SCML2: variants seen among roughly 807,000 people sequenced by gnomAD.
SCML2 encodes sex comb on midleg-like protein 2.
SCML2 carries 6 observed loss-of-function variants against 48.4 expected under a neutral mutation model. The observed-to-expected ratio is 0.12, with a 90% CI of 0.07 to 0.24. The LOEUF is 0.24. SCML2 is among the 10% of genes least tolerant of loss of function. The probability of loss-of-function intolerance (pLI) is 1.00; values close to 1 mark genes in which losing one functional copy is unlikely to be tolerated. For missense variants in SCML2, 377 were observed against 528.2 expected, an observed-to-expected ratio of 0.71 and a Z score of 2.81; for synonymous variants, 181 against 189.5, an observed-to-expected ratio of 0.95 and a Z score of 0.37.
intron 5 of SCML2, 112 bp downstream of exon 5, chrX:18,323,747 C>T (rs1929392546): frequency 7.4e-6 from 4 of 538,959 alleles, no homozygotes; most frequent in South Asian, 2.9e-5. Flanking sequence ...AACCACCTGA[C>T]CATCTATTTG....
rs1927230081 is a variant in SCML2 at position 18,265,603 on chromosome X, AC to A, written c.929del (p.Gly310ValfsTer13). 1 of 1,207,988 alleles carries A rather than the reference AC, an allele frequency of 8.3e-7. No individual in the cohort carries two copies. The highest frequency in any genetic ancestry group is 2.2e-5 in the Admixed American group (1 of 45,595). ...SVKNITPRKK[G>X]PNSGKKEKPL... ...AACTAACCTTTTTTCCTGAGTTTGG[AC>A]CTTTTTTCCTTGGTGTGATATTTTT... On this transcript the variant is annotated frameshift_variant, in exon 8 of 15. Transcript: ENST00000251900. LOFTEE classifies it high-confidence loss of function.
At chrX:18,313,675 C>T (rs182228061) in intron 6 of SCML2, among the ~76,000 whole-genome samples, 1 of 111,682 alleles carries the variant, frequency 9.0e-6, no homozygotes, top group Non-Finnish European at 1.9e-5. Flanking sequence ...CATTCCCTCT[C>T]CCATCCCGTA....
At chrX:18,306,428 T>C (rs1043809458) in intron 6 of SCML2, among the ~76,000 whole-genome samples, 2 of 111,733 alleles carry the variant, frequency 1.8e-5, no homozygotes, top group Non-Finnish European at 3.8e-5. Context: ...CCTAGCTTCC[T>C]TGAATGCTTC....
intron 6 of SCML2, among the ~76,000 whole-genome samples, chrX:18,317,833 CAAAAAAA>C (rs35128193): frequency 5.2e-5 from 2 of 38,523 alleles, no homozygotes; most frequent in Non-Finnish European, 9.7e-5. Context: ...GACTCCGTCT[CAAAAAAA>C]AAAAAAAAAA....
intron 3 of SCML2, 104 bp from the exon 4 acceptor site, chrX:18,325,081 T>TAA (rs1231310526): frequency 1.0e-4 from 36 of 343,136 alleles, no homozygotes; most frequent in East Asian, 5.0e-5. Flanking sequence ...CCATGCCTCT[T>TAA]AAAAGAAAAA....
intron 11 of SCML2, among the ~76,000 whole-genome samples, chrX:18,248,367 C>A (rs1383867120): frequency 2.7e-5 from 3 of 112,284 alleles, no homozygotes; most frequent in African/African-American, 9.7e-5. Context: ...ACCTAAAGGA[C>A]CACTCCGTAA....
rs1177186917 is a variant in SCML2 at position 18,256,897 on chromosome X, A to G, written c.1407T>C (p.Ser469=). Residue 469 remains serine (S), a synonymous_variant, in exon 11 of 15, where the codon TCT becomes TCC. Transcript: ENST00000251900. ...DNLLSSQPFS[S]SRGHTHSSAE... is the part of the protein sequence containing the mutation. ...CAGAGCTGTGAGTATGACCCCTGGA[A>G]GAACTAAAAGGCTGGCTACTCAAAA... is the stretch of plus-strand genomic sequence containing the variant. 2.5e-6 allele frequency: 3 copies of G among 1,207,053 alleles called. No individual in the cohort carries two copies. The highest frequency in any genetic ancestry group is 4.4e-5 in the Admixed American group (2 of 45,245).
At chrX:18,345,369 T>C (rs781495319) in intron 1 of SCML2, among the ~76,000 whole-genome samples, 5 of 111,430 alleles carry the variant, frequency 4.5e-5, no homozygotes, top group Non-Finnish European at 9.4e-5. Context: ...CTAAACTATA[T>C]AGAACCAGAA....
intron 11 of SCML2, among the ~76,000 whole-genome samples, chrX:18,250,174 A>T (rs1926597385): frequency 9.0e-6 from 1 of 111,424 alleles, no homozygotes; most frequent in South Asian, 3.8e-4. Context: ...ATCAGTAAAC[A>T]GAAACTGTCC....
intron 6 of SCML2, among the ~76,000 whole-genome samples, chrX:18,310,991 G>GT (rs1308769932): frequency 9.0e-6 from 1 of 111,532 alleles, no homozygotes; most frequent in East Asian, 2.8e-4. Context: ...TTCTAAACAT[G>GT]TGAGAGTATA....
chrX:18,330,586 C>T lies in SCML2; in HGVS notation c.91+1G>A. On this transcript the variant is annotated splice_donor_variant, in intron 3 of 14. Coordinates refer to ENST00000251900, the MANE Select transcript of SCML2 (RefSeq NM_006089.3). LOFTEE classifies it high-confidence loss of function. ...CTGTATTAAATTACTTTAAAACCTA[C>T]CCCTTTGTACAGAAGATGTACTTGA... 1.8e-6 allele frequency: 2 copies of T among 1,118,057 alleles called. No homozygotes were observed. Among genetic ancestry groups the T allele is most frequent in the Non-Finnish European group, 2.4e-6 (2 of 825,506 alleles). The allele number at this position is 1,118,057 out of a possible 1,213,427, so 92.1% of individuals were successfully genotyped here.
chrX:18,344,469 G>A (rs1930136538), intron 1 of SCML2, among the ~76,000 whole-genome samples: 1 of 111,921 alleles, frequency 8.9e-6, no homozygotes, highest in Admixed American at 9.5e-5. Flanking sequence ...GAGTGATATG[G>A]TTTGGTGTCC....
At chrX:18,323,715 C>T (rs1482172831) in intron 5 of SCML2, 144 bp downstream of exon 5, 7 of 476,655 alleles carry the variant, frequency 1.5e-5, no homozygotes, top group East Asian at 3.6e-5. Context: ...GATTTCCTCT[C>T]TCATCATACA....
chrX:18,320,425 T>G lies in SCML2; in HGVS notation c.398-5A>C, dbSNP rs1222105696. 1 of 1,082,276 alleles carries G rather than the reference T, an allele frequency of 9.2e-7. No homozygotes were observed. Among genetic ancestry groups the G allele is most frequent in the East Asian group, 3.1e-5 (1 of 32,426 alleles). 89.2% of individuals were successfully genotyped at this position (1,082,276 alleles called of 1,213,427 possible). A position where few individuals can be genotyped will look rare whatever the true frequency, so the allele number is the denominator to read the frequency against. On this transcript the variant is annotated splice_polypyrimidine_tract_variant and splice_region_variant and intron_variant, in intron 5 of 14. Coordinates refer to ENST00000251900, the MANE Select transcript of SCML2 (RefSeq NM_006089.3). ...AGGATGTATTCATCTGGTACCCTGT[T>G]TTATAAAATAAATTAGGTATCATGA...
At chrX:18,304,893 C>G (rs201433397) in intron 7 of SCML2, 79 bp downstream of exon 7, 1 of 1,100,073 alleles carries the variant, frequency 9.1e-7, no homozygotes. Flanking sequence ...GTACCACCAA[C>G]GCTAATCACA....
chrX:18,242,735 CT>C, intron 13 of SCML2, 145 bp from the exon 14 acceptor site: 1 of 587,416 alleles, frequency 1.7e-6, no homozygotes, highest in Non-Finnish European at 2.5e-6. Context: ...ACTGTGAAAG[CT>C]TATACAAAAA....
At chrX:18,331,259 CAAAAAAAA>C (rs35589774) in intron 2 of SCML2, among the ~76,000 whole-genome samples, 2 of 16,265 alleles carry the variant, frequency 1.2e-4, no homozygotes, top group South Asian at 0.016. Context: ...GACTCCGTCT[CAAAAAAAA>C]AAAAAAAAAA....
intron 7 of SCML2, among the ~76,000 whole-genome samples, chrX:18,302,459 A>T (rs5909444): frequency 0.22 from 23,909 of 110,385 alleles, 2,014 homozygotes; most frequent in Middle Eastern, 0.35. Context: ...TGTGCACTGG[A>T]AACAACTGAG....
intron 6 of SCML2, among the ~76,000 whole-genome samples, chrX:18,314,887 G>A (rs917961334): frequency 2.7e-5 from 3 of 110,390 alleles, no homozygotes; most frequent in Admixed American, 1.9e-4. Context: ...TTGGGGGTTC[G>A]AGACCAGACT....
Sources: allele counts gnomAD v4.1 joint callset (sites outside exome capture counted in the v4.1 genomes callset), GRCh38; gene constraint gnomAD v4.1.1; transcripts MANE v1.5; gene names NCBI Gene and HGNC (gene_info 2026-07-23, HGNC 2026-07-21).